Variants in RHPN2 observed in about 807,000 individuals in gnomAD.
RHPN2 encodes the protein rhophilin-2.
A neutral mutation model predicts 79.0 loss-of-function variants in RHPN2; 40 were observed. The ratio of observed to expected loss-of-function variants is 0.51; its 90% CI spans 0.39 to 0.66. The LOEUF (loss-of-function observed/expected upper bound fraction) is 0.66, where lower values mean the gene tolerates loss of function less well. Ranked by LOEUF, RHPN2 falls within the 30% of genes least tolerant of loss-of-function variation. The pLI, the probability that RHPN2 is intolerant of heterozygous loss-of-function variation, is 0.00. For missense variants in RHPN2, 686 were observed against 883.5 expected (o/e 0.78, Z 2.83); for synonymous variants, 285 against 363.5 (o/e 0.78, Z 2.46).
chr19:33,015,823 C>T (rs1163483472), intron 4 of RHPN2, among the ~76,000 whole-genome samples: 3 of 152,076 alleles, frequency 2.0e-5, no homozygotes, highest in Admixed American at 6.6e-5. Flanking sequence ...CTGAGGTGGG[C>T]GGATCAGTTG....
chr19:33,064,474 GGT>G (rs1035397116), intron 1 of RHPN2, among the ~76,000 whole-genome samples: 2 of 152,122 alleles, frequency 1.3e-5, no homozygotes, highest in Admixed American at 1.3e-4. Flanking sequence ...GCAAGCGAGG[GGT>G]GGCGGGGGGT....
At chr19:32,986,751 G>A (rs1381625740) in intron 14 of RHPN2, among the ~76,000 whole-genome samples, 6 of 145,892 alleles carry the variant, frequency 4.1e-5, no homozygotes, top group Admixed American at 1.4e-4. Context: ...CCGAGATCAC[G>A]CCACTGCACT....
At position 32,984,144 on chromosome 19, in the gene RHPN2, G is replaced by C. The variant is rs537415847; in HGVS notation, c.1801-3888C>G. On this transcript the variant is annotated intron_variant, in intron 14 of 14. Transcript: ENST00000254260. ...CAGTCAGGGCCTAATTCCAGAGCTT[G>C]ATTCCAAGCTTAGATTTGTTCAACT... 3.2e-4 allele frequency among the ~76,000 whole-genome samples: 49 copies of C among 152,276 alleles called. 1 individual carries two copies. The South Asian group carries it at 0.01, about 32-fold the overall frequency.
intron 2 of RHPN2, among the ~76,000 whole-genome samples, chr19:33,032,348 A>G (rs1365112399): frequency 6.6e-6 from 1 of 152,006 alleles, no homozygotes; most frequent in African/African-American, 2.4e-5. Flanking sequence ...TTCATTACGT[A>G]TAGATGATTA....
chr19:33,018,919 T>A (rs1271045628), intron 4 of RHPN2, among the ~76,000 whole-genome samples: 1 of 150,862 alleles, frequency 6.6e-6, no homozygotes, highest in Admixed American at 6.7e-5. Flanking sequence ...TAATCCCACC[T>A]ACTCAGGAGG....
chr19:33,048,480 C>G (rs1484271486), intron 1 of RHPN2, among the ~76,000 whole-genome samples: 1 of 150,780 alleles, frequency 6.6e-6, no homozygotes, highest in Non-Finnish European at 1.5e-5. Flanking sequence ...AATCCCAGCA[C>G]TTTGGGAGGC....
intron 4 of RHPN2, among the ~76,000 whole-genome samples, chr19:33,020,759 C>T (rs1971917610): frequency 6.6e-6 from 1 of 152,164 alleles, no homozygotes; most frequent in African/African-American, 2.4e-5. Flanking sequence ...CTTCAGCCTC[C>T]CAAAGTGCTG....
chr19:32,981,699 T>G (rs866103245), intron 14 of RHPN2, among the ~76,000 whole-genome samples: 1 of 143,000 alleles, frequency 7.0e-6, no homozygotes, highest in Non-Finnish European at 1.5e-5. Context: ...TTCTTTTTTT[T>G]CTTTTTCCTT....
At chr19:33,006,605 C>G (rs760856018) in intron 7 of RHPN2, among the ~76,000 whole-genome samples, 3 of 152,226 alleles carry the variant, frequency 2.0e-5, no homozygotes, top group Non-Finnish European at 4.4e-5. Flanking sequence ...GGGGAACACA[C>G]TGTGGTCTAC....
chr19:33,055,518 G>A (rs2145271556), intron 1 of RHPN2, among the ~76,000 whole-genome samples: 1 of 152,182 alleles, frequency 6.6e-6, no homozygotes, highest in Admixed American at 6.6e-5. Flanking sequence ...GGTAGTATCA[G>A]TACCAATAGA....
At chr19:33,040,327 C>G (rs1266250217) in intron 2 of RHPN2, among the ~76,000 whole-genome samples, 1 of 150,104 alleles carries the variant, frequency 6.7e-6, no homozygotes, top group South Asian at 2.1e-4. Context: ...AGCACTGCCT[C>G]CCAGGTTCAC....
intron 3 of RHPN2, 83 bp downstream of exon 3, chr19:33,026,421 A>T: frequency 6.4e-7 from 1 of 1,559,918 alleles, no homozygotes; most frequent in Non-Finnish European, 8.7e-7. Flanking sequence ...CTAGAACGCT[A>T]TCTGACCTCT....
intron 12 of RHPN2, chr19:32,992,236 C>T: frequency 2.4e-6 from 1 of 411,308 alleles, no homozygotes; most frequent in Non-Finnish European, 4.6e-6. Flanking sequence ...CATTGTCTCA[C>T]TCTGTCGCCC....
chr19:33,061,775 C>T (rs1298092378), intron 1 of RHPN2, among the ~76,000 whole-genome samples: 1 of 152,146 alleles, frequency 6.6e-6, no homozygotes, highest in Non-Finnish European at 1.5e-5. Context: ...TGAGCCACCA[C>T]GCCTGGTCAG....
At chr19:33,025,981 G>GTTTTTTT (rs71340523) in intron 3 of RHPN2, among the ~76,000 whole-genome samples, 13 of 129,106 alleles carry the variant, frequency 1.0e-4, no homozygotes, top group Non-Finnish European at 1.1e-4. Flanking sequence ...GTGTTCATTT[G>GTTTTTTT]TTTTTTTTTT....
rs188981103 is a variant in RHPN2 at position 33,046,108 on chromosome 19, T to C, written c.70-1744A>G. Among the ~76,000 whole-genome samples, 16 of 152,222 alleles carry C rather than the reference T, an allele frequency of 1.1e-4. No individual in the cohort carries two copies. The East Asian group carries it at 1.3e-3, about 13-fold the overall frequency. The stretch of plus-strand genomic sequence containing the variant: ...TACTTTATCCATTCATCATTCATCA[T>C]ACAATGGGCATGGGGAGTGTTTTCA... On this transcript the variant is annotated intron_variant, in intron 1 of 14. Coordinates refer to ENST00000254260, the MANE Select transcript of RHPN2 (RefSeq NM_033103.5).
At chr19:32,986,788 T>A (rs1041337692) in intron 14 of RHPN2, among the ~76,000 whole-genome samples, 3 of 138,894 alleles carry the variant, frequency 2.2e-5, no homozygotes, top group African/African-American at 8.8e-5. Context: ...TGCAAGACTC[T>A]GTCTCAAAAA....
At chr19:33,061,507 G>C (rs1454444005) in intron 1 of RHPN2, among the ~76,000 whole-genome samples, 1 of 148,544 alleles carries the variant, frequency 6.7e-6, no homozygotes, top group Non-Finnish European at 1.5e-5. Flanking sequence ...GCAGGGGTAC[G>C]GAGTCTCACT....
At chr19:33,023,769 A>G (rs1346848026) in intron 3 of RHPN2, among the ~76,000 whole-genome samples, 1 of 142,326 alleles carries the variant, frequency 7.0e-6, no homozygotes, top group Non-Finnish European at 1.5e-5. Context: ...TGGGCGACAC[A>G]GTGAGACTCC....
Sources: allele counts gnomAD v4.1 joint callset (sites outside exome capture counted in the v4.1 genomes callset), GRCh38; gene constraint gnomAD v4.1.1; transcripts MANE v1.5; gene names NCBI Gene and HGNC (gene_info 2026-07-23, HGNC 2026-07-21).